Variants in CASP2 observed in about 807,000 individuals in gnomAD.
CASP2 encodes caspase 2.
CASP2 carries 38 observed loss-of-function variants against 54.4 expected under a neutral mutation model. The ratio of observed to expected loss-of-function variants is 0.70; its 90% CI spans 0.54 to 0.92. The LOEUF is 0.92. Among genes scored for constraint, CASP2 ranks in the 40% least tolerant of loss-of-function variants. CASP2 has a pLI of 0.00. For synonymous variants in CASP2, 215 were observed against 216.3 expected, an observed-to-expected ratio of 0.99 and a Z score of 0.05; for missense variants, 512 against 579.6, an observed-to-expected ratio of 0.88 and a Z score of 1.20.
chr7:143,304,002 G>A, intron 9 of CASP2, 69 bp downstream of exon 9: 4 of 1,403,588 alleles, frequency 2.8e-6, no homozygotes, highest in Non-Finnish European at 3.9e-6. Context: ...GTGCTTTGCA[G>A]GTACAGGTTG....
intron 8 of CASP2, chr7:143,300,926 G>A (rs776831429): frequency 4.9e-6 from 5 of 1,013,360 alleles, no homozygotes; most frequent in Admixed American, 5.1e-5. Context: ...AAGACACATA[G>A]GTGTGCTTCT....
At chr7:143,302,352 GTC>G (rs1327351046) in intron 8 of CASP2, 2 of 152,186 alleles carry the variant, frequency 1.3e-5, no homozygotes, top group Non-Finnish European at 2.9e-5. Context: ...CTTTTGCTCT[GTC>G]TCTCTAACTT....
At chr7:143,293,102 G>GC (rs1293720434) in intron 4 of CASP2, 1 of 634,002 alleles carries the variant, frequency 1.6e-6, no homozygotes, top group East Asian at 2.8e-5. Context: ...CCTAACATGA[G>GC]CCCTTTTTTT....
intron 1 of CASP2, chr7:143,289,466 G>C (rs1487308815): frequency 6.2e-6 from 1 of 162,566 alleles, no homozygotes; most frequent in African/African-American, 2.4e-5. Context: ...TCTAGGGAAA[G>C]GCTCTTTGAA....
At chr7:143,301,052 T>G (rs1214374790) in intron 8 of CASP2, 1 of 355,964 alleles carries the variant, frequency 2.8e-6, no homozygotes, top group Non-Finnish European at 4.0e-6. Context: ...TCCATCTCAG[T>G]TTCCTCAATA....
chr7:143,303,737 A>G (rs766124444), intron 8 of CASP2, 47 bp from the exon 9 acceptor site: 2 of 1,591,298 alleles, frequency 1.3e-6, no homozygotes, highest in Non-Finnish European at 8.6e-7. Context: ...CCCAAGAGAG[A>G]TAGGAAGAAG....
Position 143,300,222 on chromosome 7 carries a change from C to G in CASP2, c.895C>G (p.Leu299Val). 6.2e-7 allele frequency: 1 copy of G among 1,614,130 alleles called. No homozygotes were observed. The highest frequency in any genetic ancestry group is 8.5e-7 in the Non-Finnish European group (1 of 1,180,030). The part of the protein sequence containing the change: ...KLLQLQEVFQ[L>V]FDNANCPSLQ... ...CTGGCAGCTCCAAGAGGTTTTTCAG[C>G]TCTTTGACAACGCCAACTGCCCAAG... The change falls in exon 8 of 11, where the codon CTC (leucine) becomes GTC (valine). Residue 299 changes from leucine to valine, a missense_variant. Leu to Val is a conservative substitution (Grantham distance 32, BLOSUM62 1). Coordinates refer to ENST00000310447, the MANE Select transcript of CASP2 (RefSeq NM_032982.4).
Position 143,288,471 on chromosome 7 carries a change from G to A in CASP2, c.16G>A (p.Ala6Thr). 1.2e-6 allele frequency: 2 copies of A among 1,613,172 alleles called. No individual in the cohort carries two copies. The highest frequency in any genetic ancestry group is 1.7e-5 in the Admixed American group (1 of 60,018). ...AAAGCGGGAAATGGCGGCGCCGAGC[G>A]CGGGGTCTTGGTCCACCTTCCAGCA... is the stretch of plus-strand genomic sequence containing the variant. MAAPS[A>T]GSWSTFQHKE... Residue 6 changes from alanine (A) to threonine (T), a missense_variant, in exon 1 of 11, where the codon GCG (alanine) becomes ACG (threonine). Ala to Thr is a moderately conservative substitution (Grantham distance 58). Transcript: ENST00000310447.
intron 8 of CASP2, chr7:143,300,836 C>G: frequency 8.8e-7 from 1 of 1,135,916 alleles, no homozygotes; most frequent in Non-Finnish European, 1.1e-6. Flanking sequence ...CTTCCTTTTC[C>G]GTGAGCTGCT....
intron 1 of CASP2, among the ~76,000 whole-genome samples, chr7:143,289,339 G>A (rs1801483357): frequency 6.6e-6 from 1 of 152,224 alleles, no homozygotes; most frequent in South Asian, 2.1e-4. Context: ...GAAGGAGCGG[G>A]TGTGCAGAGG....
rs148934764 is a variant in CASP2 at position 143,288,524 on chromosome 7, A to G, written c.69A>G (p.Gly23=). The change falls in exon 1 of 11, where the codon GGA becomes GGG. Residue 23 remains glycine, a synonymous_variant. Coordinates refer to ENST00000310447, the MANE Select transcript of CASP2 (RefSeq NM_032982.4). ...QHKELMAADR[G]RRILGVCGMH... ...AGGAGCTGATGGCCGCTGACAGGGG[A>G]CGCAGGTAAGTAGGGAACGGTCTTA... 1.8e-4 allele frequency: 283 copies of G among 1,612,922 alleles called. No individual in the cohort carries two copies. Among genetic ancestry groups the G allele is most frequent in the Non-Finnish European group, 2.3e-4 (274 of 1,179,478 alleles).
intron 6 of CASP2, among the ~76,000 whole-genome samples, chr7:143,298,039 G>A (rs1015812003): frequency 5.3e-5 from 8 of 152,060 alleles, no homozygotes; most frequent in African/African-American, 1.4e-4. Context: ...GAAGTATTCC[G>A]AACAGATCAA....
rs574600187 is a variant in CASP2, at chr7:143,297,699, G to A, written c.748-2224G>A. Among the ~76,000 whole-genome samples, 19 of 151,978 alleles carry A rather than the reference G, an allele frequency of 1.3e-4. No individual in the cohort carries two copies. In the East Asian group the frequency reaches 2.5e-3, roughly 20 times the overall value. On this transcript the variant is annotated intron_variant, in intron 6 of 10. Transcript: ENST00000310447. Reference sequence around the variant, plus strand: ...TGACCTCAGGTGATCCACCCGCCTCGGCCTCCCGAAGTGCTGGGATTACAG... The same window carrying A: ...TGACCTCAGGTGATCCACCCGCCTCAGCCTCCCGAAGTGCTGGGATTACAG...
rs964750392 is a variant in CASP2, at chr7:143,294,627, C to T, written c.601C>T (p.Leu201=). The T allele has an allele frequency of 4.3e-6, 7 of 1,614,180 alleles. No homozygotes were observed. Among genetic ancestry groups the T allele is most frequent in the Middle Eastern group, 1.7e-4 (1 of 6,060 alleles). Residue 201 remains leucine, a synonymous_variant, in exon 6 of 11, where the codon CTA becomes TTA. Coordinates refer to ENST00000310447, the MANE Select transcript of CASP2 (RefSeq NM_032982.4). The part of the protein sequence containing the change: ...AYRLQSRPRG[L]ALVLSNVHFT... Reference sequence around the variant, plus strand: ...TAGGTTGCAGTCTCGGCCTCGTGGCCTAGCACTGGTGTTGAGCAATGTGCA... The same window carrying T: ...TAGGTTGCAGTCTCGGCCTCGTGGCTTAGCACTGGTGTTGAGCAATGTGCA...
At chr7:143,303,298 T>C (rs1041168430) in intron 8 of CASP2, 1 of 154,292 alleles carries the variant, frequency 6.5e-6, no homozygotes, top group African/African-American at 2.4e-5. Flanking sequence ...GAGGTTGTGA[T>C]TTTTATATAG....
chr7:143,293,209 C>G, intron 4 of CASP2: 1 of 614,886 alleles, frequency 1.6e-6, no homozygotes, highest in Non-Finnish European at 2.9e-6. Flanking sequence ...CTCACTGCAG[C>G]GTTGAACTCC....
chr7:143,294,197 T>C (rs372273340), intron 4 of CASP2, 33 bp from the exon 5 acceptor site: 1 of 1,067,880 alleles, frequency 9.4e-7, no homozygotes, highest in Non-Finnish European at 1.5e-6. Context: ...TTAAGTTATA[T>C]ACTAGTTTTT....
chr7:143,301,538 G>A (rs977854711), intron 8 of CASP2: 1 of 152,152 alleles, frequency 6.6e-6, no homozygotes, highest in African/African-American at 2.4e-5. Context: ...ACTGTACTTA[G>A]GAAGGAGTAT....
intron 8 of CASP2, 173 bp from the exon 9 acceptor site, chr7:143,303,611 G>T: frequency 1.7e-6 from 1 of 581,498 alleles, no homozygotes. Flanking sequence ...TGCATGCTGA[G>T]AGAGTAATAA....
Sources: gnomAD v4.1 joint callset for allele counts (sites outside exome capture counted in the v4.1 genomes callset) on GRCh38, gnomAD v4.1.1 for gene constraint, MANE v1.5 for transcripts, NCBI Gene and HGNC (gene_info 2026-07-23, HGNC 2026-07-21) for gene names.